The following ACTR3C variants were observed in gnomAD, a reference collection of about 807,000 sequenced individuals.
ACTR3C encodes actin related protein 3C, also known as actin-related protein 3C.
ACTR3C carries 18 observed loss-of-function variants against 26.3 expected under a neutral mutation model. That is an observed-to-expected ratio of 0.68 (90% CI 0.47 to 1.01). The LOEUF is 1.01. Among genes scored for constraint, ACTR3C ranks in the 50% least tolerant of loss-of-function variants. ACTR3C has a pLI of 0.00. For missense variants in ACTR3C, 184 were observed against 250.7 expected, an observed-to-expected ratio of 0.73 and a Z score of 1.80; for synonymous variants, 55 against 94.5, an observed-to-expected ratio of 0.58 and a Z score of 2.42.
chr7:150,029,434 A>AT, the ACTR3C span, among the ~76,000 whole-genome samples: 1 of 143,428 alleles, frequency 7.0e-6, no homozygotes, highest in Non-Finnish European at 1.5e-5. Flanking sequence ...AAAAAAAACC[A>AT]TGAGTGGGTG....
the ACTR3C span, among the ~76,000 whole-genome samples, chr7:149,896,753 T>A: frequency 4.6e-5 from 7 of 151,742 alleles, no homozygotes; most frequent in Non-Finnish European, 1.0e-4. Context: ...ATAAATTATA[T>A]CAAATCCTTA....
the ACTR3C span, among the ~76,000 whole-genome samples, chr7:150,103,103 C>G: frequency 7.2e-6 from 1 of 138,186 alleles, no homozygotes; most frequent in Non-Finnish European, 1.6e-5. Context: ...GCTGTGCACC[C>G]TCATACTCAA....
At chr7:150,140,679 A>G in the ACTR3C span, among the ~76,000 whole-genome samples, 1 of 152,232 alleles carries the variant, frequency 6.6e-6, no homozygotes, top group African/African-American at 2.4e-5. Context: ...AAAAAGCAAC[A>G]CTGATATTGA....
the ACTR3C span, among the ~76,000 whole-genome samples, chr7:150,144,411 G>A: frequency 2.6e-5 from 4 of 152,228 alleles, no homozygotes; most frequent in Non-Finnish European, 4.4e-5. The surrounding 1 kb of genome is among the most constrained non-coding windows in gnomAD (Gnocchi z 4.6). Flanking sequence ...ATCCATAAAG[G>A]AACACTATAA....
the ACTR3C span, chr7:150,044,938 T>G: frequency 1.3e-5 from 2 of 152,230 alleles, no homozygotes; most frequent in Non-Finnish European, 1.5e-5. Context: ...AGATTTCTCC[T>G]GCGCTAAGCC....
the ACTR3C span, among the ~76,000 whole-genome samples, chr7:150,159,295 T>G: frequency 6.6e-6 from 1 of 151,952 alleles, no homozygotes; most frequent in African/African-American, 2.4e-5. Flanking sequence ...TGGTATGTCT[T>G]CATTTCAGGC....
At chr7:150,029,397 C>CAAA in the ACTR3C span, among the ~76,000 whole-genome samples, 19 of 35,382 alleles carry the variant, frequency 5.4e-4, 2 homozygotes, top group Non-Finnish European at 6.8e-4. Flanking sequence ...CAATCTTTAT[C>CAAA]AAAAACAAAA....
downstream of ACTR3C, chr7:150,244,714 C>T (rs1038412316): frequency 2.4e-4 from 41 of 173,298 alleles, no homozygotes; most frequent in Admixed American, 2.0e-3. Context: ...AGGAGTTATG[C>T]AGTGCCTCTC....
At chr7:150,079,598 T>C in the ACTR3C span, among the ~76,000 whole-genome samples, 2 of 152,202 alleles carry the variant, frequency 1.3e-5, no homozygotes, top group African/African-American at 4.8e-5. Flanking sequence ...TGCTATTCCC[T>C]GGCAGCTCTC....
chr7:150,020,349 G>C, the ACTR3C span, among the ~76,000 whole-genome samples: 1 of 151,904 alleles, frequency 6.6e-6, no homozygotes, highest in Non-Finnish European at 1.5e-5. Context: ...GTGTTTTTTC[G>C]GTCCTTTTCT....
At chr7:150,123,083 C>A in the ACTR3C span, among the ~76,000 whole-genome samples, 1 of 150,424 alleles carries the variant, frequency 6.6e-6, no homozygotes, top group Non-Finnish European at 1.5e-5. Flanking sequence ...TGGGGTCTGT[C>A]GAGGGTGGGG....
At chr7:150,234,851 CT>C in the ACTR3C span, among the ~76,000 whole-genome samples, 1 of 152,096 alleles carries the variant, frequency 6.6e-6, no homozygotes, top group African/African-American at 2.4e-5. Context: ...CTTAATGTAC[CT>C]TTTTTTGACC....
the ACTR3C span, among the ~76,000 whole-genome samples, chr7:150,147,097 T>C: frequency 6.6e-6 from 1 of 152,092 alleles, no homozygotes; most frequent in East Asian, 1.9e-4. Context: ...TGTTCCAAAA[T>C]CACAAAGGAA....
the ACTR3C span, among the ~76,000 whole-genome samples, chr7:149,895,386 A>C: frequency 6.6e-6 from 1 of 150,680 alleles, no homozygotes; most frequent in Non-Finnish European, 1.5e-5. Flanking sequence ...TGTAGAGTAC[A>C]TGTTATGTGC....
At chr7:150,162,685 C>G in the ACTR3C span, among the ~76,000 whole-genome samples, 2 of 152,332 alleles carry the variant, frequency 1.3e-5, no homozygotes, top group African/African-American at 4.8e-5. Flanking sequence ...AAGCCTCTGA[C>G]ATCCATGCTA....
At chr7:149,998,600 G>A in the ACTR3C span, among the ~76,000 whole-genome samples, 45 of 149,506 alleles carry the variant, frequency 3.0e-4, no homozygotes, top group African/African-American at 1.0e-3. Flanking sequence ...ATCAGATCTC[G>A]TGAGAACTCA....
chr7:150,125,204 G>A, the ACTR3C span, among the ~76,000 whole-genome samples: 1 of 150,020 alleles, frequency 6.7e-6, no homozygotes, highest in Non-Finnish European at 1.5e-5. Flanking sequence ...GAAATTTTAG[G>A]TATGACTTAC....
At chr7:150,094,506 G>A in the ACTR3C span, among the ~76,000 whole-genome samples, 188 of 150,598 alleles carry the variant, frequency 1.2e-3, 14 homozygotes, top group African/African-American at 4.4e-3. Context: ...GGCCAAGGTC[G>A]GGGCAGATGC....
At chr7:150,046,351 C>CCCG in the ACTR3C span, among the ~76,000 whole-genome samples, 1 of 60,906 alleles carries the variant, frequency 1.6e-5, no homozygotes, top group Non-Finnish European at 4.4e-5. Flanking sequence ...CTCACCGCCC[C>CCCG]CCCCCCCCCG....
Sources: gnomAD v4.1 joint callset for allele counts (sites outside exome capture counted in the v4.1 genomes callset) on GRCh38, gnomAD v4.1.1 for gene constraint, Gnocchi (gnomAD v3.1) non-coding constraint, MANE v1.5 for transcripts, NCBI Gene and HGNC (gene_info 2026-07-23, HGNC 2026-07-21) for gene names.